The following ATRNL1 variants were observed in gnomAD, a reference collection of about 807,000 sequenced individuals.
ATRNL1 encodes attractin-like protein 1.
ATRNL1 carries 95 observed loss-of-function variants against 182.7 expected under a neutral mutation model. The observed-to-expected ratio is 0.52, with a 90% CI of 0.44 to 0.62. The LOEUF is 0.62. Among genes scored for constraint, ATRNL1 ranks in the 20% least tolerant of loss-of-function variants. The pLI, the probability that ATRNL1 is intolerant of heterozygous loss-of-function variation, is 0.00. For missense variants in ATRNL1, 1,471 were observed against 1,679.5 expected, an observed-to-expected ratio of 0.88 and a Z score of 2.17; for synonymous variants, 576 against 568.3, an observed-to-expected ratio of 1.01 and a Z score of -0.19.
chr10:115,384,965 GTTAC>G (rs1412086329), intron 19 of ATRNL1, among the ~76,000 whole-genome samples: 1 of 149,250 alleles, frequency 6.7e-6, no homozygotes, highest in African/African-American at 2.5e-5. Context: ...TGTTAATATT[GTTAC>G]TTACAATATT....
At chr10:115,454,439 A>C (rs1847429517) in intron 21 of ATRNL1, among the ~76,000 whole-genome samples, 1 of 152,100 alleles carries the variant, frequency 6.6e-6, no homozygotes, top group South Asian at 2.1e-4. Flanking sequence ...TTATGTAAAA[A>C]AAGGCACTGA....
At chr10:115,500,232 G>A in intron 24 of ATRNL1, among the ~76,000 whole-genome samples, 1 of 152,106 alleles carries the variant, frequency 6.6e-6, no homozygotes, top group Non-Finnish European at 1.5e-5. Context: ...TTTAGCTTTA[G>A]TTTGCAGGGC....
chr10:115,190,484 A>G (rs1554889624), intron 8 of ATRNL1, among the ~76,000 whole-genome samples: 3 of 152,212 alleles, frequency 2.0e-5, no homozygotes, highest in African/African-American at 7.2e-5. Flanking sequence ...AAAGGCAGCC[A>G]TTCTATTACT....
At chr10:115,686,896 A>G (rs1476242456) in intron 26 of ATRNL1, among the ~76,000 whole-genome samples, 2 of 152,078 alleles carry the variant, frequency 1.3e-5, no homozygotes, top group African/African-American at 4.8e-5. Flanking sequence ...CTTATATTCA[A>G]AAAACTCTGC....
intron 25 of ATRNL1, among the ~76,000 whole-genome samples, chr10:115,524,302 C>G (rs1175918896): frequency 2.0e-5 from 3 of 152,128 alleles, no homozygotes; most frequent in Non-Finnish European, 4.4e-5. Context: ...CCTAGCTTCT[C>G]TAAATCTCAG....
intron 28 of ATRNL1, among the ~76,000 whole-genome samples, chr10:115,887,629 C>T (rs1951979642): frequency 6.6e-6 from 1 of 152,000 alleles, no homozygotes; most frequent in African/African-American, 2.4e-5. Context: ...GAGGCACAAA[C>T]ATTCAGGCTG....
At chr10:115,386,780 C>T (rs1858378232) in intron 19 of ATRNL1, among the ~76,000 whole-genome samples, 1 of 150,074 alleles carries the variant, frequency 6.7e-6, no homozygotes, top group South Asian at 2.1e-4. Context: ...CGTCATTTAG[C>T]ATTAGGTATA....
intron 25 of ATRNL1, among the ~76,000 whole-genome samples, chr10:115,525,672 C>T (rs1554986371): frequency 6.6e-6 from 1 of 152,080 alleles, no homozygotes; most frequent in African/African-American, 2.4e-5. Flanking sequence ...CAGGACAACC[C>T]AGGCATTTCA....
intron 27 of ATRNL1, among the ~76,000 whole-genome samples, chr10:115,748,349 CTT>C (rs58203488): frequency 3.8e-4 from 49 of 130,050 alleles, no homozygotes; most frequent in Admixed American, 5.5e-4. Flanking sequence ...TCAGCTGCAT[CTT>C]TTTTTTTTTT....
rs942236851 is a variant in ATRNL1 at position 115,210,397 on chromosome 10, A to T, written c.1349-5300A>T. Among the ~76,000 whole-genome samples, 8 of 151,878 alleles carry T rather than the reference A, an allele frequency of 5.3e-5. No individual in the cohort carries two copies. In the East Asian group the frequency reaches 5.8e-4, roughly 11 times the overall value. ...CTGTGCAGTTTTATCACACATGTTG[A>T]TATATCTCCCACCACAGTTAAGATA... On this transcript the variant is annotated intron_variant, in intron 8 of 28. Transcript: ENST00000355044.
At chr10:115,522,176 G>C (rs1236954720) in intron 25 of ATRNL1, among the ~76,000 whole-genome samples, 1 of 152,144 alleles carries the variant, frequency 6.6e-6, no homozygotes, top group Non-Finnish European at 1.5e-5. Context: ...TAGTTTGTTT[G>C]TATTGCTGAA....
At chr10:115,587,408 G>T (rs1366965004) in intron 26 of ATRNL1, among the ~76,000 whole-genome samples, 2 of 151,816 alleles carry the variant, frequency 1.3e-5, no homozygotes, top group East Asian at 3.9e-4. Context: ...AGCAATCAGT[G>T]AGACTCCGTG....
intron 28 of ATRNL1, among the ~76,000 whole-genome samples, chr10:115,884,945 C>T (rs1404863614): frequency 6.6e-6 from 1 of 152,174 alleles, no homozygotes; most frequent in African/African-American, 2.4e-5. Flanking sequence ...CATAGGACTT[C>T]CTTAATAAAT....
chr10:115,472,154 C>T (rs182940610), intron 24 of ATRNL1, among the ~76,000 whole-genome samples: 35 of 150,846 alleles, frequency 2.3e-4, no homozygotes, highest in Non-Finnish European at 4.0e-4. Context: ...GATCAGTTGA[C>T]GCTGTCTATG....
chr10:115,843,126 A>G (rs1331191145), intron 27 of ATRNL1, among the ~76,000 whole-genome samples: 2 of 152,074 alleles, frequency 1.3e-5, no homozygotes, highest in East Asian at 3.9e-4. Flanking sequence ...ACCATGTGCA[A>G]TGCACTCTAG....
chr10:115,565,735 A>G (rs1854037705), intron 26 of ATRNL1, among the ~76,000 whole-genome samples: 2 of 152,126 alleles, frequency 1.3e-5, no homozygotes, highest in Non-Finnish European at 2.9e-5. Flanking sequence ...TTATAATTAA[A>G]AACTTTAAAA....
At chr10:115,128,501 G>A (rs560888256) in intron 4 of ATRNL1, 215 of 640,920 alleles carry the variant, frequency 3.4e-4, no homozygotes, top group Non-Finnish European at 3.9e-4. Flanking sequence ...ATCCTACAAC[G>A]TATCCAAGTA....
intron 15 of ATRNL1, among the ~76,000 whole-genome samples, chr10:115,297,622 G>T (rs1853266146): frequency 7.1e-6 from 1 of 141,416 alleles, no homozygotes; most frequent in Admixed American, 7.5e-5. Flanking sequence ...CTGCACTCCA[G>T]TCTGGGCGAC....
intron 17 of ATRNL1, among the ~76,000 whole-genome samples, chr10:115,305,782 G>A (rs970208860): frequency 1.3e-5 from 2 of 152,152 alleles, no homozygotes; most frequent in Non-Finnish European, 2.9e-5. Flanking sequence ...AAACTATAGA[G>A]TAAGGCAAAA....
Sources: allele counts gnomAD v4.1 joint callset (sites outside exome capture counted in the v4.1 genomes callset), GRCh38; gene constraint gnomAD v4.1.1; transcripts MANE v1.5; gene names NCBI Gene and HGNC (gene_info 2026-07-23, HGNC 2026-07-21).